SCLT1: variants seen among roughly 807,000 people sequenced by gnomAD.
SCLT1 encodes the protein sodium channel-associated protein 1.
Under a neutral mutation model 112.8 loss-of-function variants are expected in SCLT1, and 78 were observed. The observed-to-expected ratio is 0.69, with a 90% CI of 0.58 to 0.83. SCLT1 has a LOEUF of 0.83. SCLT1 is among the 40% of genes least tolerant of loss of function. SCLT1 has a pLI of 0.00. For missense variants in SCLT1, 747 were observed against 770.4 expected, an observed-to-expected ratio of 0.97 and a Z score of 0.36; for synonymous variants, 257 against 254.7, an observed-to-expected ratio of 1.01 and a Z score of -0.09.
intron 18 of SCLT1, among the ~76,000 whole-genome samples, chr4:128,901,860 G>A (rs1734336895): frequency 6.6e-6 from 1 of 151,962 alleles, no homozygotes; most frequent in Non-Finnish European, 1.5e-5. Context: ...GTATAGATAT[G>A]CACATATATG....
intron 5 of SCLT1, among the ~76,000 whole-genome samples, chr4:129,035,221 T>C (rs368286790): frequency 1.2e-3 from 188 of 152,276 alleles, no homozygotes; most frequent in Non-Finnish European, 2.0e-3. Flanking sequence ...TGTGCTGATA[T>C]CTACAATCAT....
At chr4:128,995,159 G>A (rs1404465531) in intron 8 of SCLT1, among the ~76,000 whole-genome samples, 6 of 152,112 alleles carry the variant, frequency 3.9e-5, no homozygotes, top group African/African-American at 1.4e-4. Context: ...AGTAAGAGGT[G>A]TTAGATTTAA....
At chr4:128,926,671 G>C (rs751372698) in intron 18 of SCLT1, among the ~76,000 whole-genome samples, 1 of 151,880 alleles carries the variant, frequency 6.6e-6, no homozygotes, top group Non-Finnish European at 1.5e-5. Context: ...ATCTCATTCA[G>C]TAATATACAA....
At chr4:128,940,746 T>A (rs998098732) in intron 17 of SCLT1, among the ~76,000 whole-genome samples, 42 of 151,850 alleles carry the variant, frequency 2.8e-4, no homozygotes, top group Middle Eastern at 3.5e-3. Context: ...CTTTATATAT[T>A]TTTTTTAATG....
chr4:129,050,832 T>C (rs1462855396), intron 2 of SCLT1, among the ~76,000 whole-genome samples: 1 of 152,228 alleles, frequency 6.6e-6, no homozygotes, highest in African/African-American at 2.4e-5. Context: ...TGGTGCTGTC[T>C]AGGTTTTCTA....
At chr4:128,901,324 T>A (rs1734272605) in intron 18 of SCLT1, among the ~76,000 whole-genome samples, 1 of 152,114 alleles carries the variant, frequency 6.6e-6, no homozygotes, top group Non-Finnish European at 1.5e-5. Flanking sequence ...ATATACACCA[T>A]GGAATACTAT....
At chr4:129,071,094 C>G (rs988060588) in intron 2 of SCLT1, among the ~76,000 whole-genome samples, 1 of 152,042 alleles carries the variant, frequency 6.6e-6, no homozygotes, top group Non-Finnish European at 1.5e-5. Context: ...TTTGAAGGTT[C>G]TTTTTGGAGT....
intron 5 of SCLT1, among the ~76,000 whole-genome samples, chr4:129,008,721 C>A (rs1744248297): frequency 6.6e-6 from 1 of 152,020 alleles, no homozygotes; most frequent in Non-Finnish European, 1.5e-5. Flanking sequence ...TATAGGTAAG[C>A]TTGTGTCACT....
rs549812056 is a variant in SCLT1 at position 128,977,036 on chromosome 4, T to C, written c.687-6568A>G. Among the ~76,000 whole-genome samples, 23 of 152,260 alleles carry C rather than the reference T, an allele frequency of 1.5e-4. No individual in the cohort carries two copies. The South Asian group carries it at 1.9e-3, about 12-fold the overall frequency. On this transcript the variant is annotated intron_variant, in intron 9 of 20. Transcript: ENST00000281142. ...TAAACCTGACATTTGTGAAAAAGAA[T>C]AGACTAGAATGATAGTTCTGTCTCT...
downstream of SCLT1, among the ~76,000 whole-genome samples, chr4:128,879,233 G>A (rs1317713277): frequency 6.6e-6 from 1 of 152,114 alleles, no homozygotes; most frequent in African/African-American, 2.4e-5. Context: ...AATCAAGAAC[G>A]CTGATCCTTG....
chr4:129,067,138 A>T lies in SCLT1; in HGVS notation c.102+15168T>A, dbSNP rs569298720. 1.4e-4 allele frequency among the ~76,000 whole-genome samples: 21 copies of T among 152,290 alleles called. No individual in the cohort carries two copies. The South Asian group carries it at 4.3e-3, about 32-fold the overall frequency. On this transcript the variant is annotated intron_variant, in intron 2 of 20. Transcript: ENST00000281142. ...GTATATAAATTTTTCAAAATAAAGA[A>T]TAAGATATATAAAGTGTTTAACCTA... is the stretch of plus-strand genomic sequence containing the variant.
intron 18 of SCLT1, among the ~76,000 whole-genome samples, chr4:128,934,781 GT>G (rs1368620398): frequency 1.3e-5 from 2 of 151,586 alleles, no homozygotes; most frequent in African/African-American, 4.8e-5. Context: ...CTTTCTTTCG[GT>G]TTTGTCAACC....
At chr4:128,945,787 T>A (rs1435493286) in intron 16 of SCLT1, among the ~76,000 whole-genome samples, 1 of 152,138 alleles carries the variant, frequency 6.6e-6, no homozygotes, top group Non-Finnish European at 1.5e-5. Context: ...CCAGAAAGGA[T>A]ACATTTAAAA....
chr4:129,049,853 T>C (rs995063101), intron 2 of SCLT1, among the ~76,000 whole-genome samples: 3 of 148,386 alleles, frequency 2.0e-5, no homozygotes, highest in African/African-American at 7.3e-5. Context: ...TAACCCTGCA[T>C]GCATTAGGTA....
At chr4:129,017,318 A>G (rs1466682469) in intron 5 of SCLT1, among the ~76,000 whole-genome samples, 1 of 152,168 alleles carries the variant, frequency 6.6e-6, no homozygotes, top group East Asian at 1.9e-4. Flanking sequence ...ATGAGTGTGT[A>G]TAAACAGAAA....
At chr4:129,031,333 T>A (rs889941348) in intron 5 of SCLT1, among the ~76,000 whole-genome samples, 1 of 152,114 alleles carries the variant, frequency 6.6e-6, no homozygotes, top group Non-Finnish European at 1.5e-5. Flanking sequence ...GAGGTATTTA[T>A]GACAAACCCA....
intron 6 of SCLT1, among the ~76,000 whole-genome samples, chr4:129,002,577 A>G (rs1743602505): frequency 6.6e-6 from 1 of 152,170 alleles, no homozygotes; most frequent in South Asian, 2.1e-4. Context: ...CAAAGAACTT[A>G]AACAAATTTA....
chr4:129,069,740 CTT>C, intron 2 of SCLT1, among the ~76,000 whole-genome samples: 1 of 152,176 alleles, frequency 6.6e-6, no homozygotes, highest in Middle Eastern at 3.4e-3. Flanking sequence ...TCTGGATGCC[CTT>C]TATTTCTTTC....
At chr4:128,999,545 T>A in intron 7 of SCLT1, 127 bp downstream of exon 7, 1 of 529,712 alleles carries the variant, frequency 1.9e-6, no homozygotes, top group African/African-American at 1.9e-5. Context: ...ATTATTAACA[T>A]AAATAATAAA....
Sources: gnomAD v4.1 joint callset for allele counts (sites outside exome capture counted in the v4.1 genomes callset) on GRCh38, gnomAD v4.1.1 for gene constraint, MANE v1.5 for transcripts, NCBI Gene and HGNC (gene_info 2026-07-23, HGNC 2026-07-21) for gene names.